IL3RA: variants seen among roughly 807,000 people sequenced by gnomAD.
IL3RA encodes interleukin-3 receptor subunit alpha.
A neutral mutation model predicts 52.3 loss-of-function variants in IL3RA; 73 were observed. The ratio of observed to expected loss-of-function variants is 1.40; its 90% CI spans 1.16 to 1.70. IL3RA has a LOEUF of 1.70. Ranked by LOEUF, IL3RA falls within the 40% of genes most tolerant of loss-of-function variation. The probability of loss-of-function intolerance (pLI) is 0.00; values close to 1 mark genes in which losing one functional copy is unlikely to be tolerated. For missense variants in IL3RA, 664 were observed against 504.4 expected (o/e 1.32, Z -3.03); for synonymous variants, 260 against 194.0 (o/e 1.34, Z -2.83).
At chrX:1,346,644 A>G (rs6603268) in intron 3 of IL3RA, among the ~76,000 whole-genome samples, 80,454 of 150,752 alleles carry the variant, frequency 0.53, 22,173 homozygotes, top group Middle Eastern at 0.7. Context: ...ACAAAACAAA[A>G]GTGTGTGCTC....
chrX:1,359,622 C>T (rs1366311965), intron 8 of IL3RA, among the ~76,000 whole-genome samples: 5 of 147,386 alleles, frequency 3.4e-5, no homozygotes, highest in Non-Finnish European at 6.0e-5. Flanking sequence ...CTCTCTCATT[C>T]TCCTTCCCTC....
intron 6 of IL3RA, among the ~76,000 whole-genome samples, chrX:1,352,776 C>T (rs1171233353): frequency 2.0e-5 from 3 of 152,190 alleles, no homozygotes; most frequent in Non-Finnish European, 2.9e-5. Flanking sequence ...GTTAGAAGGG[C>T]ACTAACACCA....
intron 4 of IL3RA, among the ~76,000 whole-genome samples, chrX:1,350,544 G>C (rs752684457): frequency 8.3e-5 from 12 of 144,334 alleles, no homozygotes; most frequent in African/African-American, 3.1e-4. Flanking sequence ...AGCTGAGATC[G>C]TGCCATTGCT....
Position 1,336,788 on chromosome X carries a change from C to G in IL3RA, c.-177C>G. ...CAGCTCAATCGGGGAGTACAACCTT[C>G]GGTTTCTCTTCGGGGAAAGCTGCTT... On this transcript the variant is annotated 5_prime_UTR_variant, in exon 1 of 12. Transcript: ENST00000331035. 2 of 152,258 alleles carry G rather than the reference C, an allele frequency of 1.3e-5. No homozygotes were observed. The highest frequency in any genetic ancestry group is 1.3e-4 in the Admixed American group (2 of 15,262). 9.4% of individuals were successfully genotyped at this position (152,258 alleles called of 1,614,324 possible). A position where few individuals can be genotyped will look rare whatever the true frequency, so the allele number is the denominator to read the frequency against.
intron 1 of IL3RA, among the ~76,000 whole-genome samples, chrX:1,340,446 A>G (rs1178249102): frequency 6.6e-6 from 1 of 152,090 alleles, no homozygotes; most frequent in Non-Finnish European, 1.5e-5. Flanking sequence ...GGAACGGCTG[A>G]CACACACACA....
intron 6 of IL3RA, among the ~76,000 whole-genome samples, chrX:1,353,351 G>A (rs1393191965): frequency 6.8e-6 from 1 of 146,898 alleles, no homozygotes; most frequent in Non-Finnish European, 1.5e-5. Context: ...GTCCCATCAT[G>A]AGTCATGGGA....
In IL3RA at chrX:1,376,848, C is replaced by G. The variant is rs1412453532; in HGVS notation, c.875-1811C>G. ...AAGGAGATGAGGACACAGACACACACGGAGGGACGACCCTGTGGGACACAG... is the reference window on the plus strand; with the variant it reads ...AAGGAGATGAGGACACAGACACACAGGGAGGGACGACCCTGTGGGACACAG... On this transcript the variant is annotated intron_variant, in intron 9 of 11. Transcript: ENST00000331035. Among the ~76,000 whole-genome samples the G allele has an allele frequency of 4.0e-5, 3 of 74,302 alleles. 1 individual carries two copies. Among genetic ancestry groups the G allele is most frequent in the Non-Finnish European group, 7.1e-5 (3 of 42,086 alleles). The allele number at this position is 74,302 out of a possible 152,430, so 48.7% of individuals were successfully genotyped here.
At chrX:1,370,244 C>T (rs2088498647) in intron 9 of IL3RA, among the ~76,000 whole-genome samples, 1 of 40,254 alleles carries the variant, frequency 2.5e-5, no homozygotes, top group Non-Finnish European at 3.9e-5. Context: ...GCCGCCCAGC[C>T]TCTGGTATTC....
chrX:1,367,993 G>T (rs1461464497), intron 9 of IL3RA, among the ~76,000 whole-genome samples: 1 of 152,050 alleles, frequency 6.6e-6, no homozygotes, highest in African/African-American at 2.4e-5. Context: ...TCGTCCCACT[G>T]ACAGACACCC....
In IL3RA at chrX:1,365,193, T is replaced by A. The variant is rs746819200; in HGVS notation, c.815T>A (p.Ile272Lys). The A allele has an allele frequency of 8.7e-6, 14 of 1,611,160 alleles. No homozygotes were observed. The highest frequency in any genetic ancestry group is 2.7e-5 in the African/African-American group (2 of 74,802). Reference sequence around the variant, plus strand: ...AATCCTGGAACGTACACAGTACAAATAAGAGCCCGGGAAAGAGTGTATGAA... The same window carrying A: ...AATCCTGGAACGTACACAGTACAAAAAAGAGCCCGGGAAAGAGTGTATGAA... ...LLNPGTYTVQIRARERVYEFL... is the reference protein window; with the variant it reads ...LLNPGTYTVQKRARERVYEFL... The change falls in exon 9 of 12, where the codon ATA (isoleucine) becomes AAA (lysine). Residue 272 changes from isoleucine (I) to lysine (K), a missense_variant. Ile to Lys is a moderately radical substitution (Grantham distance 102). Coordinates refer to ENST00000331035, the MANE Select transcript of IL3RA (RefSeq NM_002183.4).
In IL3RA at chrX:1,344,645, C is replaced by T. The variant is rs1464032965; in HGVS notation, c.65-671C>T. The stretch of plus-strand genomic sequence containing the variant: ...AAAATTAGCCGGGCGTGGTGGTGGG[C>T]TCCTGTAATCCTAGCTACTCGGGAG... On this transcript the variant is annotated intron_variant, in intron 2 of 11. Coordinates refer to ENST00000331035, the MANE Select transcript of IL3RA (RefSeq NM_002183.4). 2.7e-5 allele frequency among the ~76,000 whole-genome samples: 4 copies of T among 150,524 alleles called. No individual in the cohort carries two copies. In the East Asian group the frequency reaches 7.9e-4, roughly 30 times the overall value.
At chrX:1,352,289 G>A in intron 5 of IL3RA, 33 bp from the exon 6 acceptor site, 1 of 1,613,148 alleles carries the variant, frequency 6.2e-7, no homozygotes, top group East Asian at 2.2e-5. Flanking sequence ...CCATCGGCGT[G>A]GGGTCGTCCC....
intron 10 of IL3RA, among the ~76,000 whole-genome samples, chrX:1,379,655 G>C (rs1226510777): frequency 6.6e-6 from 1 of 152,246 alleles, no homozygotes; most frequent in Non-Finnish European, 1.5e-5. Flanking sequence ...CTTTCTGGTC[G>C]GGAAGGGGCC....
At position 1,347,484 on chromosome X, in the gene IL3RA, C is replaced by G. The variant is rs769448203; in HGVS notation, c.184-947C>G. ...AAAAGCAAACAAAACGAAGAATATA[C>G]AAGTAGATTAATGAAATGTGGCCGG... On this transcript the variant is annotated intron_variant, in intron 3 of 11. Coordinates refer to ENST00000331035, the MANE Select transcript of IL3RA (RefSeq NM_002183.4). Among the ~76,000 whole-genome samples the G allele has an allele frequency of 2.6e-5, 4 of 151,144 alleles. No individual in the cohort carries two copies. In the East Asian group the frequency reaches 7.8e-4, roughly 29 times the overall value.
intron 2 of IL3RA, 49 bp downstream of exon 2, chrX:1,341,878 T>C: frequency 6.3e-7 from 1 of 1,578,784 alleles, no homozygotes; most frequent in Non-Finnish European, 8.7e-7. Context: ...GCGGTGGGGG[T>C]AGACAGACAC....
intron 4 of IL3RA, 90 bp downstream of exon 4, chrX:1,348,635 TTTC>T: frequency 2.6e-6 from 2 of 767,888 alleles, no homozygotes; most frequent in South Asian, 1.7e-5. Flanking sequence ...TCTTTTTTCT[TTTC>T]TTTTTCTCTT....
chrX:1,347,950 T>G (rs2085832323), intron 3 of IL3RA, among the ~76,000 whole-genome samples: 2 of 147,020 alleles, frequency 1.4e-5, no homozygotes, highest in South Asian at 2.1e-4. Context: ...GGCAGGAGAA[T>G]GGCATGAACC....
chrX:1,360,507 T>G (rs2087171297), intron 8 of IL3RA, among the ~76,000 whole-genome samples: 1 of 150,572 alleles, frequency 6.6e-6, no homozygotes, highest in African/African-American at 2.4e-5. Context: ...TCTCTCCCTT[T>G]CTCCTTCCCT....
chrX:1,344,245 C>T (rs1327782179), intron 2 of IL3RA, among the ~76,000 whole-genome samples: 3 of 151,884 alleles, frequency 2.0e-5, no homozygotes, highest in African/African-American at 7.3e-5. Flanking sequence ...ACCAGCCTGG[C>T]CAACATGGTG....
Sources: allele counts gnomAD v4.1 joint callset (sites outside exome capture counted in the v4.1 genomes callset), GRCh38; gene constraint gnomAD v4.1.1; transcripts MANE v1.5; gene names NCBI Gene and HGNC (gene_info 2026-07-23, HGNC 2026-07-21).